MYEF2: variants seen among roughly 807,000 people sequenced by gnomAD.
MYEF2 encodes the protein myelin gene expression factor 2.
In MYEF2, 37 loss-of-function variants were observed where a neutral mutation model predicts 75.2. The observed-to-expected ratio is 0.49, with a 90% confidence interval of 0.38 to 0.65. The LOEUF (loss-of-function observed/expected upper bound fraction) is 0.65, where lower values mean the gene tolerates loss of function less well. MYEF2 is among the 30% of genes least tolerant of loss of function. The pLI is 0.00. For missense variants in MYEF2, 634 were observed against 771.4 expected, an observed-to-expected ratio of 0.82 and a Z score of 2.11; for synonymous variants, 195 against 241.6, an observed-to-expected ratio of 0.81 and a Z score of 1.79.
intron 16 of MYEF2, 70 bp downstream of exon 16, chr15:48,148,962 G>A: frequency 1.3e-6 from 2 of 1,504,302 alleles, no homozygotes; most frequent in Admixed American, 1.7e-5. Context: ...TAAACACAGT[G>A]TATAAAAGTT....
At chr15:48,151,834 C>T (rs1272181285) in intron 12 of MYEF2, 40 bp downstream of exon 12, 6 of 1,596,236 alleles carry the variant, frequency 3.8e-6, no homozygotes, top group East Asian at 2.2e-5. Flanking sequence ...ATAGGGAAAA[C>T]TAAATATGCA....
At chr15:48,161,357 T>C (rs1251874727) in intron 5 of MYEF2, among the ~76,000 whole-genome samples, 1 of 152,002 alleles carries the variant, frequency 6.6e-6, no homozygotes, top group Non-Finnish European at 1.5e-5. Flanking sequence ...TAAAGTCTGT[T>C]AAGGAACATT....
chr15:48,158,122 G>A lies in MYEF2; in HGVS notation c.921+53C>T, dbSNP rs1308450860. ...ACAAAGAACTGTAATGTAGAAGAGA[G>A]CCAATAAAAGATCTGAAGAGGTTGG... On this transcript the variant is annotated intron_variant, in intron 8 of 16. Transcript: ENST00000324324. The A allele has an allele frequency of 2.5e-5, 40 of 1,610,196 alleles. No individual in the cohort carries two copies. In the South Asian group the frequency reaches 4.1e-4, roughly 16 times the overall value.
intron 1 of MYEF2, among the ~76,000 whole-genome samples, chr15:48,174,139 G>A (rs903354226): frequency 6.6e-6 from 1 of 152,008 alleles, no homozygotes; most frequent in African/African-American, 2.4e-5. Flanking sequence ...TACAAAAACA[G>A]ACACACAGAC....
intron 16 of MYEF2, 23 bp from the exon 17 acceptor site, chr15:48,143,094 T>C (rs1597281105): frequency 2.0e-6 from 3 of 1,476,008 alleles, no homozygotes; most frequent in East Asian, 2.6e-5. Context: ...AGTTACAGAA[T>C]TACTAGTCAG....
intron 9 of MYEF2, among the ~76,000 whole-genome samples, chr15:48,154,858 GAACT>G (rs1056405797): frequency 6.6e-6 from 1 of 151,778 alleles, no homozygotes; most frequent in Non-Finnish European, 1.5e-5. Flanking sequence ...AAATAGTACA[GAACT>G]AATAATACAG....
intron 9 of MYEF2, among the ~76,000 whole-genome samples, chr15:48,154,772 A>G (rs2039627818): frequency 6.6e-6 from 1 of 152,186 alleles, no homozygotes; most frequent in Admixed American, 6.6e-5. Flanking sequence ...AATTAGTGCC[A>G]GAGTCTATAA....
Position 48,168,649 on chromosome 15 carries a change from C to T in MYEF2, c.352G>A (p.Asp118Asn). Residue 118 changes from aspartate (D) to asparagine (N), a missense_variant, in exon 2 of 17, where the codon GAT (aspartate) becomes AAT (asparagine). Physicochemically the swap from Asp to Asn is conservative, Grantham distance 23. Transcript: ENST00000324324. Reference protein sequence around the residue: ...PYDMKWQAIKDLMREKVGEVT... With the variant: ...PYDMKWQAIKNLMREKVGEVT... ...TAGTTACCTTTCTCTCTCATTAGAT[C>T]TTTAATAGCTTGCCATTTCATGTCA... is the stretch of plus-strand genomic sequence containing the variant. 1 of 1,613,350 alleles carries T rather than the reference C, an allele frequency of 6.2e-7. No individual in the cohort carries two copies. The highest frequency in any genetic ancestry group is 8.5e-7 in the Non-Finnish European group (1 of 1,179,450).
chr15:48,146,271 C>A (rs996373651), intron 16 of MYEF2, among the ~76,000 whole-genome samples: 1 of 151,774 alleles, frequency 6.6e-6, no homozygotes, highest in African/African-American at 2.4e-5. Flanking sequence ...TATACTCAGC[C>A]TTTTTGAAAA....
intron 16 of MYEF2, among the ~76,000 whole-genome samples, chr15:48,145,376 C>G (rs751465125): frequency 3.3e-5 from 5 of 151,728 alleles, no homozygotes; most frequent in Non-Finnish European, 7.4e-5. Flanking sequence ...TAAAATCAAA[C>G]CTGCCTGACT....
Position 48,136,896 on chromosome 15 carries a change from A to G in MYEF2, c.*6012T>C, listed in dbSNP as rs1443386640. 5.6e-6 allele frequency: 9 copies of G among 1,613,874 alleles called. No individual in the cohort carries two copies. The stretch of plus-strand genomic sequence containing the variant: ...GGCAATCAAGAACTGATAGTGGAAT[A>G]TTTTATGAAGATTCTGGCTACTCTC... On this transcript the variant is annotated 3_prime_UTR_variant, in exon 17 of 17. Coordinates refer to ENST00000324324, the MANE Select transcript of MYEF2 (RefSeq NM_016132.5).
In MYEF2 at chr15:48,134,730, T is replaced by A. The variant is rs1166079846; in HGVS notation, c.*8178A>T. The A allele has an allele frequency of 5.4e-6, 4 of 743,486 alleles. No homozygotes were observed. The highest frequency in any genetic ancestry group is 8.6e-6 in the Non-Finnish European group (4 of 463,236). The allele number at this position is 743,486 out of a possible 1,614,324, so 46.1% of individuals were successfully genotyped here. ...TTGGTCAGATTTATGAAAGTCTGTG[T>A]AAGTTAGAACACAATTTTACATTTT... On this transcript the variant is annotated 3_prime_UTR_variant, in exon 17 of 17. Transcript: ENST00000324324.
intron 16 of MYEF2, among the ~76,000 whole-genome samples, chr15:48,143,334 A>C (rs1445822925): frequency 6.6e-6 from 1 of 152,122 alleles, no homozygotes; most frequent in African/African-American, 2.4e-5. Flanking sequence ...TAAATCCCTA[A>C]TTCCTGAGGT....
At chr15:48,146,325 A>G (rs1356177159) in intron 16 of MYEF2, among the ~76,000 whole-genome samples, 1 of 151,880 alleles carries the variant, frequency 6.6e-6, no homozygotes, top group Non-Finnish European at 1.5e-5. Flanking sequence ...AAAAAGATAG[A>G]TCTCTTTTGC....
At chr15:48,160,387 G>A (rs2039890511) in intron 5 of MYEF2, among the ~76,000 whole-genome samples, 1 of 151,724 alleles carries the variant, frequency 6.6e-6, no homozygotes, top group African/African-American at 2.4e-5. Context: ...GATAAAGGAG[G>A]GCTAAATGTC....
At chr15:48,146,369 TCA>T (rs2039284130) in intron 16 of MYEF2, among the ~76,000 whole-genome samples, 1 of 151,858 alleles carries the variant, frequency 6.6e-6, no homozygotes, top group Non-Finnish European at 1.5e-5. Flanking sequence ...CAGCCTGGGG[TCA>T]AAAATGTTAC....
chr15:48,158,206 A>C lies in MYEF2; in HGVS notation c.890T>G (p.Phe297Cys). Residue 297 changes from phenylalanine (F) to cysteine (C), a missense_variant, in exon 8 of 17, where the codon TTT (phenylalanine) becomes TGT (cysteine). Coordinates refer to ENST00000324324, the MANE Select transcript of MYEF2 (RefSeq NM_016132.5). Reference sequence around the variant, plus strand: ...CACATGCATAGGTCTATCAAATAAAAACTGCCCATTGAACATAGCTGTTGG... The same window carrying C: ...CACATGCATAGGTCTATCAAATAAACACTGCCCATTGAACATAGCTGTTGG... Reference protein sequence around the residue: ...VQAISMFNGQFLFDRPMHVKM... With the variant: ...VQAISMFNGQCLFDRPMHVKM... 3.1e-6 allele frequency: 5 copies of C among 1,613,094 alleles called. No homozygotes were observed. Among genetic ancestry groups the C allele is most frequent in the Non-Finnish European group, 4.2e-6 (5 of 1,179,366 alleles).
At chr15:48,163,777 T>G (rs777208842) in intron 5 of MYEF2, among the ~76,000 whole-genome samples, 3 of 152,152 alleles carry the variant, frequency 2.0e-5, no homozygotes, top group Non-Finnish European at 4.4e-5. Context: ...CCCTTAATAA[T>G]TAGGCTAAAT....
At chr15:48,173,773 C>A (rs1284791057) in intron 1 of MYEF2, among the ~76,000 whole-genome samples, 1 of 151,820 alleles carries the variant, frequency 6.6e-6, no homozygotes, top group Non-Finnish European at 1.5e-5. Context: ...AATAAAATAC[C>A]TAGAAATAAA....
Sources: gnomAD v4.1 joint callset for allele counts (sites outside exome capture counted in the v4.1 genomes callset) on GRCh38, gnomAD v4.1.1 for gene constraint, MANE v1.5 for transcripts, NCBI Gene and HGNC (gene_info 2026-07-23, HGNC 2026-07-21) for gene names.